BCAS3: variants seen among roughly 807,000 people sequenced by gnomAD.
BCAS3 encodes BCAS4/BCAS3 fusion.
In BCAS3, 53 loss-of-function variants were observed where a neutral mutation model predicts 116.1. The ratio of observed to expected loss-of-function variants is 0.46; its 90% CI spans 0.37 to 0.57. BCAS3 has a LOEUF of 0.57. Among genes scored for constraint, BCAS3 ranks in the 20% least tolerant of loss-of-function variants. BCAS3 has a pLI of 0.00. For missense variants in BCAS3, 917 were observed against 1,165.4 expected, an observed-to-expected ratio of 0.79 and a Z score of 3.10; for synonymous variants, 391 against 408.2, an observed-to-expected ratio of 0.96 and a Z score of 0.51.
intron 6 of BCAS3, among the ~76,000 whole-genome samples, chr17:60,794,946 G>T (rs1441555278): frequency 1.3e-5 from 2 of 152,078 alleles, no homozygotes; most frequent in African/African-American, 4.8e-5. Context: ...GAAGAGTGAT[G>T]GTGGTATTTT....
intron 22 of BCAS3, among the ~76,000 whole-genome samples, chr17:61,170,809 G>A (rs2078800738): frequency 6.6e-6 from 1 of 152,058 alleles, no homozygotes; most frequent in African/African-American, 2.4e-5. Context: ...GAACTCACAG[G>A]GCAGAGTCCC....
chr17:60,918,252 A>G (rs773571802), intron 12 of BCAS3, among the ~76,000 whole-genome samples: 1 of 152,170 alleles, frequency 6.6e-6, no homozygotes, highest in Non-Finnish European at 1.5e-5. Context: ...TACCTAAGGA[A>G]TAGTGATGTT....
chr17:60,822,637 T>A (rs186433021), intron 7 of BCAS3, among the ~76,000 whole-genome samples: 1 of 152,280 alleles, frequency 6.6e-6, no homozygotes, highest in East Asian at 1.9e-4. Context: ...AAAACAACAG[T>A]CTCTAGTCAA....
At chr17:60,890,340 G>T (rs2057057343) in intron 10 of BCAS3, among the ~76,000 whole-genome samples, 1 of 152,110 alleles carries the variant, frequency 6.6e-6, no homozygotes, top group African/African-American at 2.4e-5. Flanking sequence ...TGTAATCCCA[G>T]CTACTCAGGA....
intron 19 of BCAS3, among the ~76,000 whole-genome samples, chr17:61,072,116 T>A (rs952859015): frequency 1.3e-5 from 2 of 152,214 alleles, no homozygotes; most frequent in Non-Finnish European, 2.9e-5. Context: ...CTCTTTAGGA[T>A]TTTGGGGTGC....
intron 15 of BCAS3, among the ~76,000 whole-genome samples, chr17:61,009,256 T>C (rs2064941874): frequency 6.6e-6 from 1 of 152,030 alleles, no homozygotes; most frequent in African/African-American, 2.4e-5. Flanking sequence ...AGCTTTGCCG[T>C]TTCTATACTT....
chr17:61,190,690 G>A (rs979098282), intron 22 of BCAS3, among the ~76,000 whole-genome samples: 8 of 151,134 alleles, frequency 5.3e-5, no homozygotes, highest in South Asian at 2.1e-4. Flanking sequence ...TCACTGCACC[G>A]ACTCCCGGGT....
intron 15 of BCAS3, among the ~76,000 whole-genome samples, chr17:60,996,804 T>C (rs2063868465): frequency 6.6e-6 from 1 of 152,144 alleles, no homozygotes; most frequent in Non-Finnish European, 1.5e-5. Context: ...GCCAGTGACA[T>C]ACAAAGCAAA....
Position 61,012,637 on chromosome 17 carries a change from C to T in BCAS3, c.1487-3114C>T, listed in dbSNP as rs2065186799. On this transcript the variant is annotated intron_variant, in intron 15 of 23. Coordinates refer to ENST00000407086, the MANE Select transcript of BCAS3 (RefSeq NM_017679.5). The surrounding 1 kb of genome is among the most constrained non-coding windows in gnomAD (Gnocchi z 4.5). ...AACATAAACATGAATGTAAAACCTA[C>T]ACAACTTACTTTGCTCTCTCAGATG... Among the ~76,000 whole-genome samples, 1 of 152,058 alleles carries T rather than the reference C, an allele frequency of 6.6e-6. No individual in the cohort carries two copies. The highest frequency in any genetic ancestry group is 1.5e-5 in the Non-Finnish European group (1 of 67,932).
intron 15 of BCAS3, among the ~76,000 whole-genome samples, chr17:61,011,138 C>G (rs1007670133): frequency 6.7e-6 from 1 of 149,772 alleles, no homozygotes; most frequent in Admixed American, 6.6e-5. Context: ...TCATTGTACT[C>G]ATGCAATAAA....
intron 6 of BCAS3, among the ~76,000 whole-genome samples, chr17:60,762,589 T>G (rs1354920969): frequency 1.3e-5 from 2 of 152,228 alleles, no homozygotes; most frequent in African/African-American, 4.8e-5. Context: ...CTATGCTGTT[T>G]TGATTACTGT....
At chr17:60,685,215 C>T (rs2033835928) in intron 3 of BCAS3, among the ~76,000 whole-genome samples, 1 of 151,986 alleles carries the variant, frequency 6.6e-6, no homozygotes, top group Non-Finnish European at 1.5e-5. Context: ...GCCTGTAATC[C>T]CAGCACTTTG....
At chr17:60,829,907 C>T (rs2050764377) in intron 7 of BCAS3, among the ~76,000 whole-genome samples, 1 of 152,086 alleles carries the variant, frequency 6.6e-6, no homozygotes, top group Admixed American at 6.6e-5. Context: ...TGTGCTTTTT[C>T]TCCACTGGTA....
In BCAS3 at chr17:61,325,827, G is replaced by C. The variant is rs1181182772; in HGVS notation, c.2426-42500G>C. ...TCTTGGTGGCAAGATAAACAGGATA[G>C]GGTGGTCCCTGGGGACAGTCATCTG... is the stretch of plus-strand genomic sequence containing the variant. On this transcript the variant is annotated intron_variant, in intron 22 of 23. Transcript: ENST00000407086. The surrounding 1 kb of genome is among the most constrained non-coding windows in gnomAD (Gnocchi z 6.4). Among the ~76,000 whole-genome samples the C allele has an allele frequency of 6.6e-6, 1 of 152,132 alleles. No homozygotes were observed. Among genetic ancestry groups the C allele is most frequent in the Non-Finnish European group, 1.5e-5 (1 of 68,026 alleles).
chr17:60,918,638 C>T (rs1442403352), intron 12 of BCAS3, among the ~76,000 whole-genome samples: 4 of 150,714 alleles, frequency 2.7e-5, no homozygotes, highest in African/African-American at 4.9e-5. Flanking sequence ...GCCTGTCTGT[C>T]AAACTGAAAT....
intron 22 of BCAS3, among the ~76,000 whole-genome samples, chr17:61,340,548 C>T (rs748348928): frequency 3.3e-5 from 5 of 152,036 alleles, no homozygotes; most frequent in African/African-American, 9.7e-5. Context: ...ATTAAAGGTC[C>T]GTCTGGTGTG....
chr17:60,847,104 T>C (rs796632430), intron 7 of BCAS3, among the ~76,000 whole-genome samples: 4 of 152,202 alleles, frequency 2.6e-5, no homozygotes, highest in African/African-American at 9.7e-5. Context: ...TTCTCTCACT[T>C]AGCATAATGT....
At chr17:60,980,235 A>G (rs974523417) in intron 14 of BCAS3, among the ~76,000 whole-genome samples, 1 of 152,196 alleles carries the variant, frequency 6.6e-6, no homozygotes, top group Non-Finnish European at 1.5e-5. Flanking sequence ...AAGTGGCTAC[A>G]CCATTTATAT....
At chr17:61,115,572 A>G (rs1463080465) in intron 22 of BCAS3, among the ~76,000 whole-genome samples, 2 of 141,876 alleles carry the variant, frequency 1.4e-5, no homozygotes, top group South Asian at 2.6e-4. Context: ...AATGGCAATC[A>G]TTAAAAAGTC....
Sources: gnomAD v4.1 joint callset for allele counts (sites outside exome capture counted in the v4.1 genomes callset) on GRCh38, gnomAD v4.1.1 for gene constraint, Gnocchi (gnomAD v3.1) non-coding constraint, MANE v1.5 for transcripts, NCBI Gene and HGNC (gene_info 2026-07-23, HGNC 2026-07-21) for gene names.